Variants in ATP1B4 observed in about 807,000 individuals in gnomAD.
ATP1B4 encodes ATPase Na+/K+ transporting family member beta 4.
A neutral mutation model predicts 29.6 loss-of-function variants in ATP1B4; 32 were observed. The observed-to-expected ratio is 1.08, with a 90% CI of 0.82 to 1.45. The LOEUF (loss-of-function observed/expected upper bound fraction) is 1.45. Among genes scored for constraint, ATP1B4 ranks in the 40% most tolerant of loss-of-function variants. The probability of loss-of-function intolerance (pLI) is 0.00; values close to 1 mark genes in which losing one functional copy is unlikely to be tolerated. For missense variants in ATP1B4, 323 were observed against 276.2 expected (o/e 1.17, Z -1.20); for synonymous variants, 127 against 102.1 (o/e 1.24, Z -1.47).
At chrX:120,370,112 C>T (rs774279997) in intron 2 of ATP1B4, among the ~76,000 whole-genome samples, 1 of 111,584 alleles carries the variant, frequency 9.0e-6, no homozygotes, top group Non-Finnish European at 1.9e-5. Flanking sequence ...CCTCCTTTTC[C>T]CTTCCCCACC....
At position 120,370,823 on chromosome X, in the gene ATP1B4, C is replaced by T. The variant is rs773817165; in HGVS notation, c.437C>T (p.Thr146Met). Residue 146 changes from threonine to methionine, a missense_variant, in exon 3 of 8, where the codon ACG (threonine) becomes ATG (methionine). Transcript: ENST00000218008. Reference sequence around the variant, plus strand: ...ATCAGTCCCTATATACCAACCTTCACGGAGCGGGTAAAGCCTCCTGGTGAG... The same window carrying T: ...ATCAGTCCCTATATACCAACCTTCATGGAGCGGGTAAAGCCTCCTGGTGAG... ...LTISPYIPTF[T>M]ERVKPPGVMI... The T allele has an allele frequency of 9.9e-6, 12 of 1,210,820 alleles. No individual in the cohort carries two copies. Among genetic ancestry groups the T allele is most frequent in the South Asian group, 3.5e-5 (2 of 56,730 alleles).
At chrX:120,374,960 C>T (rs1021712828) in intron 4 of ATP1B4, among the ~76,000 whole-genome samples, 1 of 101,801 alleles carries the variant, frequency 9.8e-6, no homozygotes, top group Non-Finnish European at 2.0e-5. Context: ...TTCAGTCCCT[C>T]TTCCAAAATC....
Position 120,366,622 on chromosome X carries a change from A to G in ATP1B4, c.161A>G (p.Glu54Gly), listed in dbSNP as rs751459558. 8.3e-6 allele frequency: 10 copies of G among 1,202,813 alleles called. No homozygotes were observed. The East Asian group carries it at 2.7e-4, about 32-fold the overall frequency. ...RVTVVPKSEE[E>G]EEEEEKEEEE... ...ACGGTGGTGCCCAAATCGGAGGAGG[A>G]GGAAGAAGAGGAGGAGAAAGAAGAG... The change falls in exon 2 of 8, where the codon GAG (glutamate) becomes GGG (glycine). Residue 54 changes from glutamate to glycine, a missense_variant. Transcript: ENST00000218008.
intron 1 of ATP1B4, among the ~76,000 whole-genome samples, chrX:120,362,480 C>G (rs750771328): frequency 1.8e-5 from 2 of 111,854 alleles, no homozygotes; most frequent in South Asian, 7.5e-4. Context: ...GAGAAGATAA[C>G]AGAGAATAAG....
chrX:120,362,191 G>T lies in ATP1B4; in HGVS notation c.23G>T (p.Arg8Ile). 1 of 1,211,634 alleles carries T rather than the reference G, an allele frequency of 8.3e-7. No individual in the cohort carries two copies. Among genetic ancestry groups the T allele is most frequent in the Non-Finnish European group, 1.1e-6 (1 of 895,375 alleles). The change falls in exon 1 of 8, where the codon AGA (arginine) becomes ATA (isoleucine). Residue 8 changes from arginine to isoleucine, a missense_variant. Coordinates refer to ENST00000218008, the MANE Select transcript of ATP1B4 (RefSeq NM_001142447.3). MRRQLRS[R>I]RAPSFPYSYR... ...GCCATGAGAAGGCAACTCCGGTCCA[G>T]AAGGGCTCCATCCTTTCCTTACAGT...
At chrX:120,367,929 T>C (rs1488785580) in intron 2 of ATP1B4, among the ~76,000 whole-genome samples, 1 of 110,772 alleles carries the variant, frequency 9.0e-6, no homozygotes, top group Non-Finnish European at 1.9e-5. Flanking sequence ...TTAAGGAACA[T>C]TCCGACATTC....
chrX:120,374,621 T>TTATATATAATATAATATTATATTATA lies in ATP1B4; in HGVS notation c.563-733_563-708dup, dbSNP rs1410701021. 1.6e-3 allele frequency among the ~76,000 whole-genome samples: 72 copies of TTATATATAATATAATATTATATTATA among 45,828 alleles called. 4 individuals carry two copies. Among genetic ancestry groups the TTATATATAATATAATATTATATTATA allele is most frequent in the Non-Finnish European group, 2.5e-3 (64 of 25,831 alleles). 39.8% of individuals were successfully genotyped at this position (45,828 alleles called of 115,157 possible). On this transcript the variant is annotated intron_variant, in intron 4 of 7. Coordinates refer to ENST00000218008, the MANE Select transcript of ATP1B4 (RefSeq NM_001142447.3). ...CCTTATATATAATATATATATACCC[T>TTATATATAATATAATATTATATTATA]TATATATAATATAATATTATATTAT...
At chrX:120,367,001 A>G (rs955491744) in intron 2 of ATP1B4, among the ~76,000 whole-genome samples, 1 of 112,558 alleles carries the variant, frequency 8.9e-6, no homozygotes, top group Non-Finnish European at 1.9e-5. Context: ...TGTGTAACCA[A>G]AACCCACTGG....
intron 2 of ATP1B4, among the ~76,000 whole-genome samples, chrX:120,367,886 C>T (rs1354254970): frequency 9.0e-6 from 1 of 111,138 alleles, no homozygotes; most frequent in African/African-American, 3.3e-5. Flanking sequence ...CCCTGACCAT[C>T]CCACAAACTC....
At chrX:120,375,293 G>C in intron 4 of ATP1B4, 79 bp from the exon 5 acceptor site, 6 of 893,089 alleles carry the variant, frequency 6.7e-6, no homozygotes, top group Non-Finnish European at 9.5e-6. Context: ...GGAAACTTGG[G>C]AGGGAGGACT....
chrX:120,374,690 T>TATA, intron 4 of ATP1B4, among the ~76,000 whole-genome samples: 1 of 50,888 alleles, frequency 2.0e-5, no homozygotes, highest in Non-Finnish European at 4.0e-5. Context: ...TATACCCTTA[T>TATA]ATATAATATA....
Position 120,364,951 on chromosome X carries a change from C to A in ATP1B4, c.64-1574C>A, listed in dbSNP as rs1209795625. Among the ~76,000 whole-genome samples, 3 of 111,767 alleles carry A rather than the reference C, an allele frequency of 2.7e-5. No individual in the cohort carries two copies. The Admixed American group carries it at 2.9e-4, about 11-fold the overall frequency. ...CAGGCTGTCATCAAACTCCTGGGTTCAAGTGATCCTCCTTTCTTGGCCTCC... is the reference window on the plus strand; with the variant it reads ...CAGGCTGTCATCAAACTCCTGGGTTAAAGTGATCCTCCTTTCTTGGCCTCC... On this transcript the variant is annotated intron_variant, in intron 1 of 7. Transcript: ENST00000218008.
intron 6 of ATP1B4, 82 bp from the exon 7 acceptor site, chrX:120,378,596 C>A: frequency 1.2e-6 from 1 of 813,615 alleles, no homozygotes; most frequent in South Asian, 2.1e-5. Context: ...ACAGTGATTT[C>A]ACCTGGGTAC....
At position 120,364,895 on chromosome X, in the gene ATP1B4, T is replaced by C. The variant is rs958919520; in HGVS notation, c.64-1630T>C. On this transcript the variant is annotated intron_variant, in intron 1 of 7. Transcript: ENST00000218008. ...CCATGCCTGGTTAATTTTTTTTTAA[T>C]TTTGTAGAGACAGGGTCTCACTATG... Among the ~76,000 whole-genome samples, 6 of 111,231 alleles carry C rather than the reference T, an allele frequency of 5.4e-5. 1 individual carries two copies. In the Admixed American group the frequency reaches 5.7e-4, roughly 11 times the overall value.
rs1237121362 is a variant in ATP1B4, at chrX:120,375,414, C to A, written c.605C>A (p.Pro202His). 3.3e-6 allele frequency: 4 copies of A among 1,207,954 alleles called. No homozygotes were observed. Among genetic ancestry groups the A allele is most frequent in the East Asian group, 5.9e-5 (2 of 33,681 alleles). The change falls in exon 5 of 8, where the codon CCC becomes CAC. Residue 202 changes from proline (P) to histidine (H), a missense_variant. By Grantham distance (77) the Pro-to-His change is moderately conservative (BLOSUM62 -2). Transcript: ENST00000218008. ...CAAGAGGAAATGAATGTAGATTGTC[C>A]CCCGGGGCAGTACTTCATCCAAGAT... ...SLQEEMNVDC[P>H]PGQYFIQDGN... is the part of the protein sequence containing the mutation.
In ATP1B4 at chrX:120,374,856, TTATATATAAGGG is replaced by T. The variant is rs1411312231; in HGVS notation, c.563-498_563-487del. 1.0e-4 allele frequency among the ~76,000 whole-genome samples: 8 copies of T among 76,816 alleles called. No individual in the cohort carries two copies. In the East Asian group the frequency reaches 3.2e-3, roughly 31 times the overall value. 66.7% of individuals were successfully genotyped at this position (76,816 alleles called of 115,157 possible). A position where few individuals can be genotyped will look rare whatever the true frequency, so the allele number is the denominator to read the frequency against. On this transcript the variant is annotated intron_variant, in intron 4 of 7. Transcript: ENST00000218008. ...TATTATATATAAGGGTATATATATA[TTATATATAAGGG>T]TATATATAAGGGTATATCCTTATAT...
intron 6 of ATP1B4, among the ~76,000 whole-genome samples, chrX:120,377,592 T>C (rs2058362708): frequency 8.9e-6 from 1 of 112,428 alleles, no homozygotes; most frequent in Non-Finnish European, 1.9e-5. Context: ...TGGACAGAGT[T>C]CTACTTATTG....
At chrX:120,374,974 CAACT>C (rs2058344469) in intron 4 of ATP1B4, among the ~76,000 whole-genome samples, 2 of 102,717 alleles carry the variant, frequency 1.9e-5, no homozygotes, top group East Asian at 3.0e-4. Flanking sequence ...CAAAATCTAC[CAACT>C]ATGTGCCTAT....
chrX:120,367,962 G>A (rs1479459496), intron 2 of ATP1B4, among the ~76,000 whole-genome samples: 1 of 111,601 alleles, frequency 9.0e-6, no homozygotes, highest in East Asian at 2.8e-4. Context: ...ACAAATACTG[G>A]ACACTCACTT....
Sources: gnomAD v4.1 joint callset for allele counts (sites outside exome capture counted in the v4.1 genomes callset) on GRCh38, gnomAD v4.1.1 for gene constraint, MANE v1.5 for transcripts, NCBI Gene and HGNC (gene_info 2026-07-23, HGNC 2026-07-21) for gene names.